EDARADD: variants seen among roughly 807,000 people sequenced by gnomAD.
EDARADD encodes ectodysplasin-A receptor-associated adapter protein.
EDARADD carries 20 observed loss-of-function variants against 25.6 expected under a neutral mutation model. That is an observed-to-expected ratio of 0.78 (90% CI 0.55 to 1.14). EDARADD has a LOEUF of 1.14. EDARADD is among the 50% of genes most tolerant of loss of function. The pLI is 0.00. For synonymous variants in EDARADD, 86 were observed against 94.4 expected (o/e 0.91, Z 0.52); for missense variants, 225 against 270.1 (o/e 0.83, Z 1.17).
At position 236,399,628 on chromosome 1, in the gene EDARADD, TCA is replaced by T. The variant is rs1343195589; in HGVS notation, c.61+5126_61+5127del. Among the ~76,000 whole-genome samples, 10 of 152,360 alleles carry T rather than the reference TCA, an allele frequency of 6.6e-5. 1 individual carries two copies. In the South Asian group the frequency reaches 1.2e-3, roughly 19 times the overall value. ...GTGTCTCTCCCACTGAGAAACAGTC[TCA>T]CAATGGATGAGCCAGATTTGTCTGT... On this transcript the variant is annotated intron_variant, in intron 1 of 5. Coordinates refer to ENST00000334232, the MANE Select transcript of EDARADD (RefSeq NM_145861.4).
At chr1:236,418,840 T>A (rs1026252555) in intron 3 of EDARADD, among the ~76,000 whole-genome samples, 1 of 152,126 alleles carries the variant, frequency 6.6e-6, no homozygotes, top group Non-Finnish European at 1.5e-5. Context: ...AAACTCCTCA[T>A]CCTCCCACCT....
At chr1:236,419,059 G>T (rs1201360083) in intron 3 of EDARADD, among the ~76,000 whole-genome samples, 1 of 152,096 alleles carries the variant, frequency 6.6e-6, no homozygotes, top group East Asian at 1.9e-4. Flanking sequence ...AGGATAGAGG[G>T]GACGGAGAGG....
chr1:236,473,317 G>A (rs1345897654), intron 5 of EDARADD, among the ~76,000 whole-genome samples: 1 of 151,970 alleles, frequency 6.6e-6, no homozygotes, highest in African/African-American at 2.4e-5. Flanking sequence ...CAAAGGACCC[G>A]GCCCGTGGAG....
chr1:236,353,463 C>T (rs183220045), intron 3 of EDARADD, among the ~76,000 whole-genome samples: 5 of 152,000 alleles, frequency 3.3e-5, no homozygotes, highest in Admixed American at 1.3e-4. Flanking sequence ...AGGTGGATGA[C>T]GAGGTCAGGA....
chr1:236,456,097 C>G (rs894089674), intron 4 of EDARADD, among the ~76,000 whole-genome samples: 3 of 151,320 alleles, frequency 2.0e-5, no homozygotes, highest in Admixed American at 2.0e-4. Flanking sequence ...GTGCCTGTTC[C>G]TTTTTTAAGA....
At position 236,483,875 on chromosome 1, in the gene EDARADD, T is replaced by C. The variant is rs1659755349; in HGVS notation, c.*1226T>C. 7.2e-7 allele frequency: 1 copy of C among 1,384,020 alleles called. No homozygotes were observed. The highest frequency in any genetic ancestry group is 1.7e-5 in the Admixed American group (1 of 59,482). The allele number at this position is 1,384,020 out of a possible 1,614,324, so 85.7% of individuals were successfully genotyped here. On this transcript the variant is annotated 3_prime_UTR_variant, in exon 6 of 6. Transcript: ENST00000334232. Reference sequence around the variant, plus strand: ...CTGCGATTGGGAAAGCTGGCTACACTGATAAGGTGATCGTCAGCATGGACG... The same window carrying C: ...CTGCGATTGGGAAAGCTGGCTACACCGATAAGGTGATCGTCAGCATGGACG...
In EDARADD at chr1:236,355,815, A is replaced by G. The variant is rs10925108; in HGVS notation, c.-6+4976A>G. On this transcript the variant is annotated intron_variant, in intron 3 of 7. Transcript: ENST00000439430. ...ATGAGCCACCACTCCTGGCTCACTCATTCTCTTCTGGACCTCACAGCTGAT... is the reference window on the plus strand; with the variant it reads ...ATGAGCCACCACTCCTGGCTCACTCGTTCTCTTCTGGACCTCACAGCTGAT... Among the ~76,000 whole-genome samples the G allele has an allele frequency of 5.9e-5, 9 of 151,762 alleles. No homozygotes were observed. In the South Asian group the frequency reaches 8.3e-4, roughly 14 times the overall value.
At chr1:236,475,088 G>T (rs887698879) in intron 5 of EDARADD, among the ~76,000 whole-genome samples, 1 of 151,970 alleles carries the variant, frequency 6.6e-6, no homozygotes, top group East Asian at 1.9e-4. Flanking sequence ...AGCCGAGATC[G>T]CCCCATTGCA....
At chr1:236,451,394 T>A (rs1031115154) in intron 4 of EDARADD, among the ~76,000 whole-genome samples, 2 of 152,190 alleles carry the variant, frequency 1.3e-5, no homozygotes, top group Admixed American at 6.5e-5. Context: ...GGAGTATTTG[T>A]CTGTCATCCA....
At chr1:236,426,829 A>G (rs1271085515) in intron 3 of EDARADD, among the ~76,000 whole-genome samples, 2 of 152,134 alleles carry the variant, frequency 1.3e-5, no homozygotes, top group Non-Finnish European at 2.9e-5. Context: ...TAGGAGTTCC[A>G]AGTTACTGTG....
At position 236,484,564 on chromosome 1, in the gene EDARADD, G is replaced by A. The variant is rs981439264; in HGVS notation, c.*1915G>A. On this transcript the variant is annotated 3_prime_UTR_variant, in exon 6 of 6. Coordinates refer to ENST00000334232, the MANE Select transcript of EDARADD (RefSeq NM_145861.4). The surrounding 1 kb of genome is among the most constrained non-coding windows in gnomAD (Gnocchi z 4.1). Reference sequence around the variant, plus strand: ...AGCTCAAGACCCCCGAGCAACATTTGTAGGGGCCGCTGCTAGTTAGCTACC... The same window carrying A: ...AGCTCAAGACCCCCGAGCAACATTTATAGGGGCCGCTGCTAGTTAGCTACC... 3.1e-6 allele frequency: 3 copies of A among 973,216 alleles called. No homozygotes were observed. In the African/African-American group the frequency reaches 4.8e-5, roughly 15 times the overall value. The allele number at this position is 973,216 out of a possible 1,614,324, so 60.3% of individuals were successfully genotyped here.
chr1:236,460,925 G>A (rs1242797206), intron 4 of EDARADD, among the ~76,000 whole-genome samples: 1 of 151,972 alleles, frequency 6.6e-6, no homozygotes, highest in Non-Finnish European at 1.5e-5. Context: ...TGGTTCAAGC[G>A]ATTCTCCTGC....
At chr1:236,440,366 C>G (rs1475675078) in intron 4 of EDARADD, among the ~76,000 whole-genome samples, 4 of 152,088 alleles carry the variant, frequency 2.6e-5, no homozygotes, top group African/African-American at 9.7e-5. Flanking sequence ...TTTTGTCCCT[C>G]CATGTAAATT....
At chr1:236,415,061 G>A (rs986572941) in intron 3 of EDARADD, among the ~76,000 whole-genome samples, 10 of 152,102 alleles carry the variant, frequency 6.6e-5, no homozygotes, top group Non-Finnish European at 1.0e-4. Context: ...TTTAGATGGC[G>A]TTCTCAAGGT....
At chr1:236,360,932 G>A (rs1180540252) in intron 3 of EDARADD, among the ~76,000 whole-genome samples, 1 of 152,082 alleles carries the variant, frequency 6.6e-6, no homozygotes. Context: ...AGAGTAGGAA[G>A]GCAGCCAACA....
At chr1:236,442,457 T>G (rs917345636) in intron 4 of EDARADD, among the ~76,000 whole-genome samples, 1 of 152,210 alleles carries the variant, frequency 6.6e-6, no homozygotes, top group South Asian at 2.1e-4. Context: ...TCTAGGACTT[T>G]CCTAGCTAGA....
chr1:236,475,212 G>T (rs558292916), intron 5 of EDARADD, among the ~76,000 whole-genome samples: 6 of 151,974 alleles, frequency 3.9e-5, no homozygotes, highest in Non-Finnish European at 7.4e-5. Flanking sequence ...TTTTGAGAAA[G>T]ATTTCTTTGG....
At chr1:236,458,800 C>T (rs531972183) in intron 4 of EDARADD, among the ~76,000 whole-genome samples, 5 of 151,992 alleles carry the variant, frequency 3.3e-5, no homozygotes, top group African/African-American at 4.8e-5. Flanking sequence ...CCTGCCATTA[C>T]GCCCAGCTAC....
intron 3 of EDARADD, among the ~76,000 whole-genome samples, chr1:236,385,800 G>GTTAATGTTTTACAA (rs376326388): frequency 4.8e-4 from 16 of 33,396 alleles, no homozygotes; most frequent in Non-Finnish European, 5.6e-4. Context: ...TAATTTGAAA[G>GTTAATGTTTTACAA]TTAGCTCTCT....
Sources: allele counts gnomAD v4.1 joint callset (sites outside exome capture counted in the v4.1 genomes callset), GRCh38; gene constraint gnomAD v4.1.1; non-coding constraint Gnocchi (gnomAD v3.1); transcripts MANE v1.5; gene names NCBI Gene and HGNC (gene_info 2026-07-23, HGNC 2026-07-21).